Variants in MSR1 observed in about 807,000 individuals in gnomAD.
MSR1 encodes the protein macrophage scavenger receptor types I and II.
Under a neutral mutation model 47.2 loss-of-function variants are expected in MSR1, and 53 were observed. The observed-to-expected ratio is 1.12, with a 90% CI of 0.90 to 1.41. MSR1 has a LOEUF of 1.41. Among genes scored for constraint, MSR1 ranks in the 40% most tolerant of loss-of-function variants. The pLI is 0.00. For missense variants in MSR1, 786 were observed against 546.9 expected, an observed-to-expected ratio of 1.44 and a Z score of -4.36; for synonymous variants, 239 against 185.6, an observed-to-expected ratio of 1.29 and a Z score of -2.34.
intron 4 of MSR1, among the ~76,000 whole-genome samples, chr8:16,167,342 G>A (rs541014026): frequency 1.6e-4 from 25 of 152,216 alleles, no homozygotes; most frequent in African/African-American, 5.8e-4. Flanking sequence ...CCAGGAGTTC[G>A]AGATCAGCCT....
chr8:16,172,699 G>C (rs1801520243), intron 3 of MSR1, among the ~76,000 whole-genome samples: 2 of 151,726 alleles, frequency 1.3e-5, no homozygotes, highest in African/African-American at 4.8e-5. Flanking sequence ...ATAAATTCTT[G>C]ATTTTTATCT....
chr8:16,147,134 G>A (rs1800721472), intron 7 of MSR1, among the ~76,000 whole-genome samples: 1 of 152,124 alleles, frequency 6.6e-6, no homozygotes, highest in Admixed American at 6.6e-5. Context: ...TACGGATTTT[G>A]AAGACGGGCA....
At chr8:16,129,605 G>A (rs1047144015) in intron 8 of MSR1, among the ~76,000 whole-genome samples, 1 of 152,052 alleles carries the variant, frequency 6.6e-6, no homozygotes, top group Non-Finnish European at 1.5e-5. Context: ...AAAAACAGCT[G>A]AGTGTGGTGA....
At chr8:16,144,578 C>G (rs73205026) in intron 7 of MSR1, among the ~76,000 whole-genome samples, 25,458 of 151,922 alleles carry the variant, frequency 0.17, 2,531 homozygotes, top group Admixed American at 0.24. Context: ...AATTTAGAAA[C>G]CCCTGTGTTG....
intron 1 of MSR1, among the ~76,000 whole-genome samples, chr8:16,192,314 T>G (rs1048698031): frequency 4.6e-5 from 7 of 152,162 alleles, no homozygotes; most frequent in African/African-American, 1.7e-4. Flanking sequence ...AAAACCCCAT[T>G]GCTGGTTCAA....
Position 16,150,260 on chromosome 8 carries a change from C to A in MSR1, c.950G>T (p.Arg317Leu). Reference sequence around the variant, plus strand: ...CCTTCCGGCATATCCTGGGAGTCCTCGACTTCCAGGAAAGCCAATTGCTCC... The same window carrying A: ...CCTTCCGGCATATCCTGGGAGTCCTAGACTTCCAGGAAAGCCAATTGCTCC... The part of the protein sequence containing the change: ...DRGAIGFPGS[R>L]GLPGYAGRPG... Residue 317 changes from arginine (R) to leucine (L), a missense_variant, in exon 7 of 10, where the codon CGA becomes CTA. Transcript: ENST00000262101. The A allele has an allele frequency of 1.9e-6, 3 of 1,563,288 alleles. No individual in the cohort carries two copies. In the Admixed American group the frequency reaches 5.3e-5, roughly 28 times the overall value.
intron 9 of MSR1, among the ~76,000 whole-genome samples, chr8:16,117,380 T>C (rs1799901166): frequency 6.6e-6 from 1 of 152,110 alleles, no homozygotes; most frequent in South Asian, 2.1e-4. Context: ...AGATTAACAT[T>C]AGCAGAGAGG....
intron 9 of MSR1, among the ~76,000 whole-genome samples, chr8:16,115,751 G>T (rs904459568): frequency 6.6e-6 from 1 of 152,084 alleles, no homozygotes; most frequent in Non-Finnish European, 1.5e-5. Context: ...GCTGAGGCAG[G>T]AGGATTGCTT....
intron 4 of MSR1, among the ~76,000 whole-genome samples, chr8:16,167,381 C>A (rs1416639181): frequency 6.6e-6 from 1 of 152,226 alleles, no homozygotes; most frequent in African/African-American, 2.4e-5. Context: ...TCTGTCTCCA[C>A]TAAAAATACA....
In MSR1 at chr8:16,118,386, G is replaced by C. The variant is rs529472696; in HGVS notation, c.1222+2032C>G. 8.3e-4 allele frequency among the ~76,000 whole-genome samples: 127 copies of C among 152,206 alleles called. 2 individuals are homozygous for C. The highest frequency in any genetic ancestry group is 1.5e-3 in the Non-Finnish European group (103 of 67,994). ...TACAATTATGTATTTTAAATAAATGGTCTTTCATTCTGTGGATGTTAGTTA... is the reference window on the plus strand; with the variant it reads ...TACAATTATGTATTTTAAATAAATGCTCTTTCATTCTGTGGATGTTAGTTA... On this transcript the variant is annotated intron_variant, in intron 9 of 9. Coordinates refer to ENST00000262101, the MANE Select transcript of MSR1 (RefSeq NM_138715.3).
chr8:16,176,325 G>A (rs1585190034), intron 2 of MSR1, among the ~76,000 whole-genome samples: 1 of 152,110 alleles, frequency 6.6e-6, no homozygotes, highest in South Asian at 2.1e-4. Context: ...TGGGCAACAT[G>A]GAGAAACCCT....
At chr8:16,138,921 T>C (rs1329263201) in intron 8 of MSR1, among the ~76,000 whole-genome samples, 5 of 152,180 alleles carry the variant, frequency 3.3e-5, no homozygotes, top group Non-Finnish European at 4.4e-5. Context: ...TCAACCTTTC[T>C]TGGAATTTTC....
chr8:16,162,660 T>G (rs954751818), intron 5 of MSR1, among the ~76,000 whole-genome samples: 3 of 151,894 alleles, frequency 2.0e-5, no homozygotes, highest in African/African-American at 4.8e-5. Flanking sequence ...GAAACAAAGG[T>G]TTGCTGAAGA....
intron 9 of MSR1, among the ~76,000 whole-genome samples, chr8:16,110,929 T>C (rs1226355877): frequency 6.6e-6 from 1 of 152,110 alleles, no homozygotes; most frequent in Admixed American, 6.6e-5. Flanking sequence ...CAAGTATTTT[T>C]TGAGGTGTTT....
chr8:16,142,399 C>T (rs563219617), intron 8 of MSR1, among the ~76,000 whole-genome samples: 3 of 152,040 alleles, frequency 2.0e-5, no homozygotes, highest in South Asian at 2.1e-4. Flanking sequence ...CATTAAAGAA[C>T]GAATGGATAG....
intron 7 of MSR1, among the ~76,000 whole-genome samples, chr8:16,145,084 T>G (rs769086930): frequency 1.3e-5 from 2 of 152,118 alleles, no homozygotes; most frequent in East Asian, 1.9e-4. Flanking sequence ...TTATTCCCAA[T>G]TGAAATTGTA....
chr8:16,110,136 C>G lies in MSR1; in HGVS notation c.1305G>C (p.Gly435=). Residue 435 remains glycine, a synonymous_variant, in exon 10 of 10, where the codon GGG becomes GGC. Coordinates refer to ENST00000262101, the MANE Select transcript of MSR1 (RefSeq NM_138715.3). ...SIEECKIRQW[G]TRACSHSEDA... ...CTTCAGAATGTGAACAGGCTCTTGTCCCCCATTGCCGAATTTTACATTCTT... is the reference window on the plus strand; with the variant it reads ...CTTCAGAATGTGAACAGGCTCTTGTGCCCCATTGCCGAATTTTACATTCTT... The G allele has an allele frequency of 6.2e-7, 1 of 1,613,618 alleles. No homozygotes were observed. Among genetic ancestry groups the G allele is most frequent in the Non-Finnish European group, 8.5e-7 (1 of 1,179,696 alleles).
chr8:16,154,773 A>C (rs35341602), intron 6 of MSR1, among the ~76,000 whole-genome samples: 6,095 of 151,970 alleles, frequency 0.04, 432 homozygotes, highest in African/African-American at 0.14. Context: ...ACATGTCACT[A>C]TCTAGACTTA....
chr8:16,133,963 C>A (rs1585147228), intron 8 of MSR1, among the ~76,000 whole-genome samples: 1 of 152,146 alleles, frequency 6.6e-6, no homozygotes, highest in African/African-American at 2.4e-5. Context: ...TGTCTCAGTT[C>A]TTTTCAATTA....
Sources: gnomAD v4.1 joint callset for allele counts (sites outside exome capture counted in the v4.1 genomes callset) on GRCh38, gnomAD v4.1.1 for gene constraint, MANE v1.5 for transcripts, NCBI Gene and HGNC (gene_info 2026-07-23, HGNC 2026-07-21) for gene names.